Variants in CA12 observed in about 807,000 individuals in gnomAD.
The protein encoded by CA12 is carbonate dehydratase XII.
In CA12, 36 loss-of-function variants were observed where a neutral mutation model predicts 46.8. The observed-to-expected ratio is 0.77, with a 90% CI of 0.59 to 1.02. The LOEUF is 1.02. CA12 is among the 50% of genes least tolerant of loss of function. The probability of loss-of-function intolerance (pLI) is 0.00; values close to 1 mark genes in which losing one functional copy is unlikely to be tolerated. For synonymous variants in CA12, 202 were observed against 187.0 expected (o/e 1.08, Z -0.65); for missense variants, 436 against 451.4 (o/e 0.97, Z 0.31).
chr15:63,372,544 G>C lies in CA12; in HGVS notation c.106+3114C>G, dbSNP rs571172203. Reference sequence around the variant, plus strand: ...GAGGCCCCTGGAGAATGACTCAGCAGTGTACGTGCAAAGAAGCTGAGTTCT... The same window carrying C: ...GAGGCCCCTGGAGAATGACTCAGCACTGTACGTGCAAAGAAGCTGAGTTCT... On this transcript the variant is annotated intron_variant, in intron 2 of 10. Coordinates refer to ENST00000178638, the MANE Select transcript of CA12 (RefSeq NM_001218.5). The surrounding 1 kb of genome is among the most constrained non-coding windows in gnomAD (Gnocchi z 4.5). Among the ~76,000 whole-genome samples the C allele has an allele frequency of 6.6e-6, 1 of 152,342 alleles. No homozygotes were observed. Among genetic ancestry groups the C allele is most frequent in the South Asian group, 2.1e-4 (1 of 4,832 alleles).
At chr15:63,364,342 A>AAAAAAAAAAAC in intron 2 of CA12, among the ~76,000 whole-genome samples, 1 of 149,278 alleles carries the variant, frequency 6.7e-6, no homozygotes, top group Non-Finnish European at 1.5e-5. Flanking sequence ...GAAAAAAAAA[A>AAAAAAAAAAAC]AAAAAAAAAA....
At chr15:63,326,545 C>T (rs1407342474) in intron 10 of CA12, among the ~76,000 whole-genome samples, 188 bp from the exon 11 acceptor site, 3 of 152,102 alleles carry the variant, frequency 2.0e-5, no homozygotes, top group Non-Finnish European at 4.4e-5. Flanking sequence ...AGAACTTGTT[C>T]GTTTTCCAAC....
Position 63,339,056 on chromosome 15 carries a change from T to C in CA12, c.748-111A>G. The C allele has an allele frequency of 1.5e-6, 2 of 1,358,906 alleles. No individual in the cohort carries two copies. 84.2% of individuals were successfully genotyped at this position (1,358,906 alleles called of 1,614,324 possible). A position where few individuals can be genotyped will look rare whatever the true frequency, so the allele number is the denominator to read the frequency against. On this transcript the variant is annotated intron_variant, in intron 7 of 10. Coordinates refer to ENST00000178638, the MANE Select transcript of CA12 (RefSeq NM_001218.5). The surrounding 1 kb of genome is among the most constrained non-coding windows in gnomAD (Gnocchi z 4.3). Reference sequence around the variant, plus strand: ...CCTGGGAGAAGCCTCTGGAACCAGCTTCTGTGGGGCCGGGTGGGAGATATT... The same window carrying C: ...CCTGGGAGAAGCCTCTGGAACCAGCCTCTGTGGGGCCGGGTGGGAGATATT...
chr15:63,371,398 C>T (rs902347064), intron 2 of CA12, among the ~76,000 whole-genome samples: 1 of 152,168 alleles, frequency 6.6e-6, no homozygotes, highest in African/African-American at 2.4e-5. Flanking sequence ...CTGCCAGAGC[C>T]GAGGGCCACG....
rs1384025484 is a variant in CA12, at chr15:63,327,649, AAAT to A, written c.908-419_908-417del. Among the ~76,000 whole-genome samples the A allele has an allele frequency of 6.6e-6, 1 of 152,146 alleles. No individual in the cohort carries two copies. Among genetic ancestry groups the A allele is most frequent in the Non-Finnish European group, 1.5e-5 (1 of 68,016 alleles). Reference sequence around the variant, plus strand: ...CACTTTGATAAGCCCTGGGCTACACAAATAAGAACTTACTCTGTCTTTGCCTGC... The same window carrying A: ...CACTTTGATAAGCCCTGGGCTACACAAAGAACTTACTCTGTCTTTGCCTGC... On this transcript the variant is annotated intron_variant, in intron 9 of 10. Transcript: ENST00000178638. The surrounding 1 kb of genome is among the most constrained non-coding windows in gnomAD (Gnocchi z 4.5).
chr15:63,347,056 C>T (rs568578313), intron 2 of CA12, among the ~76,000 whole-genome samples: 2 of 152,326 alleles, frequency 1.3e-5, no homozygotes, highest in African/African-American at 4.8e-5. Flanking sequence ...TATTATGAGC[C>T]AGGAATTACT....
rs1055396072 is a variant in CA12, at chr15:63,324,135, G to A, written c.*2150C>T. The A allele has an allele frequency of 6.6e-6, 1 of 152,294 alleles. No individual in the cohort carries two copies. Among genetic ancestry groups the A allele is most frequent in the Non-Finnish European group, 1.5e-5 (1 of 68,090 alleles). 9.4% of individuals were successfully genotyped at this position (152,294 alleles called of 1,614,324 possible). A position where few individuals can be genotyped will look rare whatever the true frequency, so the allele number is the denominator to read the frequency against. Reference sequence around the variant, plus strand: ...GTGAGGATTTGCAAAGACATTGATAGTGTTGGTTCTTGGAGCATCTTTCTG... The same window carrying A: ...GTGAGGATTTGCAAAGACATTGATAATGTTGGTTCTTGGAGCATCTTTCTG... On this transcript the variant is annotated 3_prime_UTR_variant, in exon 11 of 11. Transcript: ENST00000178638.
chr15:63,353,439 G>A (rs552773837), intron 2 of CA12, among the ~76,000 whole-genome samples: 5 of 152,162 alleles, frequency 3.3e-5, no homozygotes, highest in Admixed American at 1.3e-4. Context: ...GGATCCATCC[G>A]GCCTCCCTTT....
In CA12 at chr15:63,355,880, CTT is replaced by C. The variant is rs1339495544; in HGVS notation, c.107-9173_107-9172del. Among the ~76,000 whole-genome samples, 1 of 152,170 alleles carries C rather than the reference CTT, an allele frequency of 6.6e-6. No individual in the cohort carries two copies. Among genetic ancestry groups the C allele is most frequent in the Non-Finnish European group, 1.5e-5 (1 of 68,044 alleles). ...GCCCTCGCAAGACATCCTGCTCTGTCTTTCTTAAACATAATATTCAAATAGGG... is the reference window on the plus strand; with the variant it reads ...GCCCTCGCAAGACATCCTGCTCTGTCTCTTAAACATAATATTCAAATAGGG... On this transcript the variant is annotated intron_variant, in intron 2 of 10. Transcript: ENST00000178638. The surrounding 1 kb of genome is among the most constrained non-coding windows in gnomAD (Gnocchi z 4.1).
rs1168121448 is a variant in CA12 at position 63,328,200 on chromosome 15, A to G, written c.875-70T>C. 1 of 1,370,288 alleles carries G rather than the reference A, an allele frequency of 7.3e-7. No individual in the cohort carries two copies. Among genetic ancestry groups the G allele is most frequent in the African/African-American group, 1.4e-5 (1 of 70,114 alleles). The allele number at this position is 1,370,288 out of a possible 1,614,324, so 84.9% of individuals were successfully genotyped here. ...CACACTGGATTTGAGCAGCGTGTTG[A>G]GAGACGCTCTACCATTTGTTTGGTC... On this transcript the variant is annotated intron_variant, in intron 8 of 10. Coordinates refer to ENST00000178638, the MANE Select transcript of CA12 (RefSeq NM_001218.5). The surrounding 1 kb of genome is among the most constrained non-coding windows in gnomAD (Gnocchi z 5.9).
intron 1 of CA12, among the ~76,000 whole-genome samples, chr15:63,380,162 G>A (rs1482443622): frequency 6.6e-6 from 1 of 152,178 alleles, no homozygotes; most frequent in African/African-American, 2.4e-5. Flanking sequence ...TCTACCCAGG[G>A]GTAGGCAGTC....
chr15:63,381,413 A>C (rs183058703), intron 1 of CA12, among the ~76,000 whole-genome samples: 89 of 152,288 alleles, frequency 5.8e-4, no homozygotes, highest in African/African-American at 2.0e-3. Context: ...ACACGCAAAC[A>C]TTTTAACACC....
Position 63,345,489 on chromosome 15 carries a change from G to T in CA12, c.417C>A (p.His139Gln). ...HGSEHTVSGQ[H>Q]FAAELHIVHY... The stretch of plus-strand genomic sequence containing the variant: ...CAGCCCTACTTACCTCGGCGGCGAA[G>T]TGCTGTCCGCTGACGGTGTGCTCAG... Residue 139 changes from histidine to glutamine, a missense_variant, in exon 4 of 11, where the codon CAC becomes CAA. Physicochemically the swap from His to Gln is conservative, Grantham distance 24. Coordinates refer to ENST00000178638, the MANE Select transcript of CA12 (RefSeq NM_001218.5). The surrounding 1 kb of genome is among the most constrained non-coding windows in gnomAD (Gnocchi z 4.3). 3 of 1,608,970 alleles carry T rather than the reference G, an allele frequency of 1.9e-6. No homozygotes were observed. Among genetic ancestry groups the T allele is most frequent in the Non-Finnish European group, 2.5e-6 (3 of 1,179,986 alleles).
chr15:63,357,173 T>TA (rs1221615190), intron 2 of CA12, among the ~76,000 whole-genome samples: 3 of 152,188 alleles, frequency 2.0e-5, no homozygotes, highest in Non-Finnish European at 4.4e-5. Flanking sequence ...CTCTGTAGTT[T>TA]ACTTGGCCTA....
intron 4 of CA12, among the ~76,000 whole-genome samples, chr15:63,344,402 C>G (rs1456031477): frequency 2.0e-5 from 3 of 152,242 alleles, no homozygotes; most frequent in African/African-American, 4.8e-5. Flanking sequence ...AAATAAACTT[C>G]TAAATGGATT....
Position 63,349,359 on chromosome 15 carries a change from G to A in CA12, c.107-2650C>T, listed in dbSNP as rs1443381101. Among the ~76,000 whole-genome samples the A allele has an allele frequency of 3.9e-5, 6 of 152,218 alleles. No homozygotes were observed. In the East Asian group the frequency reaches 7.7e-4, roughly 20 times the overall value. On this transcript the variant is annotated intron_variant, in intron 2 of 10. Coordinates refer to ENST00000178638, the MANE Select transcript of CA12 (RefSeq NM_001218.5). Reference sequence around the variant, plus strand: ...CAAGGTGCCCAGGGGAACCAGCTTCGGGAATGAGGGCACAGGGCACCGGTG... The same window carrying A: ...CAAGGTGCCCAGGGGAACCAGCTTCAGGAATGAGGGCACAGGGCACCGGTG...
intron 2 of CA12, among the ~76,000 whole-genome samples, chr15:63,367,941 T>G (rs940251529): frequency 6.6e-6 from 1 of 152,236 alleles, no homozygotes; most frequent in African/African-American, 2.4e-5. Context: ...GTGAATTAAC[T>G]GCAAGTTGGA....
rs1358678838 is a variant in CA12 at position 63,345,121 on chromosome 15, C to T, written c.429+356G>A. On this transcript the variant is annotated intron_variant, in intron 4 of 10. Coordinates refer to ENST00000178638, the MANE Select transcript of CA12 (RefSeq NM_001218.5). This position sits in a 1 kb window ranked among gnomAD's most constrained non-coding sequence, Gnocchi z 4.3. ...CTGAGAAGTTTGGGGGAGCAGTGAG[C>T]CCAGTGTGAGTCAGCAGGAGATTTT... 6.6e-6 allele frequency among the ~76,000 whole-genome samples: 1 copy of T among 152,178 alleles called. No individual in the cohort carries two copies. The highest frequency in any genetic ancestry group is 1.5e-5 in the Non-Finnish European group (1 of 68,040).
chr15:63,346,409 C>T (rs1018611801), intron 3 of CA12, 121 bp downstream of exon 3: 8 of 710,898 alleles, frequency 1.1e-5, no homozygotes, highest in South Asian at 7.5e-5. Context: ...ACCCCCGCCC[C>T]GCCCCACCCC....
Sources: allele counts gnomAD v4.1 joint callset (sites outside exome capture counted in the v4.1 genomes callset), GRCh38; gene constraint gnomAD v4.1.1; non-coding constraint Gnocchi (gnomAD v3.1); transcripts MANE v1.5; gene names NCBI Gene and HGNC (gene_info 2026-07-23, HGNC 2026-07-21).